CCDC85C: variants seen among roughly 807,000 people sequenced by gnomAD.
The protein encoded by CCDC85C is coiled-coil domain-containing protein 85C.
A neutral mutation model predicts 38.3 loss-of-function variants in CCDC85C; 18 were observed. The observed-to-expected ratio is 0.47, with a 90% confidence interval of 0.33 to 0.70. CCDC85C has a LOEUF of 0.70. Ranked by LOEUF, CCDC85C falls within the 30% of genes least tolerant of loss-of-function variation. CCDC85C has a pLI of 0.03. For missense variants in CCDC85C, 566 were observed against 621.2 expected (o/e 0.91, Z 0.94); for synonymous variants, 264 against 293.8 (o/e 0.90, Z 1.04).
Position 99,510,708 on chromosome 14 carries a change from C to T in CCDC85C, c.*4538G>A. On this transcript the variant is annotated 3_prime_UTR_variant, in exon 6 of 6. Transcript: ENST00000380243. ...TGCCGTCCCCCCTGGAGGACAGCCT[C>T]CTGTGCCCCCGCCCATTCCCCCACC... The T allele has an allele frequency of 7.0e-7, 1 of 1,422,810 alleles. No individual in the cohort carries two copies. The highest frequency in any genetic ancestry group is 9.2e-7 in the Non-Finnish European group (1 of 1,087,314). 88.1% of individuals were successfully genotyped at this position (1,422,810 alleles called of 1,614,324 possible). A position where few individuals can be genotyped will look rare whatever the true frequency, so the allele number is the denominator to read the frequency against.
chr14:99,596,945 G>A (rs1327735263), intron 1 of CCDC85C, among the ~76,000 whole-genome samples: 1 of 152,196 alleles, frequency 6.6e-6, no homozygotes, highest in Non-Finnish European at 1.5e-5. Context: ...TCCTGCCTGA[G>A]CCCCACCCAA....
intron 1 of CCDC85C, among the ~76,000 whole-genome samples, chr14:99,585,638 G>A (rs1332508577): frequency 2.6e-5 from 4 of 152,254 alleles, no homozygotes; most frequent in African/African-American, 9.6e-5. Context: ...ACAATGGGAT[G>A]ACTGGGACAC....
chr14:99,590,286 G>A (rs1490302210), intron 1 of CCDC85C, among the ~76,000 whole-genome samples: 2 of 152,156 alleles, frequency 1.3e-5, no homozygotes, highest in Non-Finnish European at 2.9e-5. Context: ...GCATCCCGAG[G>A]GCCTCCTGAC....
At position 99,522,214 on chromosome 14, in the gene CCDC85C, C is replaced by T. The variant is rs775711049; in HGVS notation, c.894G>A (p.Thr298=). Residue 298 remains threonine, a synonymous_variant, in exon 3 of 6, where the codon ACG becomes ACA. Coordinates refer to ENST00000380243, the MANE Select transcript of CCDC85C (RefSeq NM_001144995.2). ...GGTAGGGCGAGAAGCCTTTCCGCAG[C>T]GTGCGGAACTCTCCGGAGCCTGCCT... ...AQQAGSGEFR[T]LRKGFSPYHS... The T allele has an allele frequency of 2.3e-5, 35 of 1,549,972 alleles. No homozygotes were observed. Among genetic ancestry groups the T allele is most frequent in the South Asian group, 1.2e-4 (10 of 84,048 alleles).
rs779997350 is a variant in CCDC85C, at chr14:99,578,802, G to A, written c.793+24365C>T. 3.4e-4 allele frequency among the ~76,000 whole-genome samples: 51 copies of A among 152,154 alleles called. 1 individual carries two copies. The highest frequency in any genetic ancestry group is 1.8e-4 in the Non-Finnish European group (12 of 68,034). ...GCTGCCCCAGCCCCCTTCCAAGACCGGAGCTGGCTTCTCTAAGCGCTTCCC... is the reference window on the plus strand; with the variant it reads ...GCTGCCCCAGCCCCCTTCCAAGACCAGAGCTGGCTTCTCTAAGCGCTTCCC... On this transcript the variant is annotated intron_variant, in intron 1 of 5. Coordinates refer to ENST00000380243, the MANE Select transcript of CCDC85C (RefSeq NM_001144995.2).
rs1195070305 is a variant in CCDC85C, at chr14:99,535,328, G to A, written c.867+687C>T. ...GGAGGCTTGGGGGAGCGAGCGGCTT[G>A]AGAGGTCGCCAAGCCAGCTGGCCCC... On this transcript the variant is annotated intron_variant, in intron 2 of 5. Coordinates refer to ENST00000380243, the MANE Select transcript of CCDC85C (RefSeq NM_001144995.2). The surrounding 1 kb of genome is among the most constrained non-coding windows in gnomAD (Gnocchi z 5.5). 6.6e-6 allele frequency among the ~76,000 whole-genome samples: 1 copy of A among 152,194 alleles called. No homozygotes were observed. The highest frequency in any genetic ancestry group is 2.4e-5 in the African/African-American group (1 of 41,430).
intron 1 of CCDC85C, among the ~76,000 whole-genome samples, chr14:99,577,735 C>G (rs1898515349): frequency 1.4e-5 from 2 of 145,280 alleles, no homozygotes; most frequent in Non-Finnish European, 3.0e-5. Context: ...TCCTGCATCC[C>G]CCATCAGTGT....
In CCDC85C at chr14:99,554,369, T is replaced by TCC. The variant is rs547187267; in HGVS notation, c.794-18283_794-18282dup. On this transcript the variant is annotated intron_variant, in intron 1 of 5. Coordinates refer to ENST00000380243, the MANE Select transcript of CCDC85C (RefSeq NM_001144995.2). ...CTTGGTCACTGTGGCAGGCAAGGCC[T>TCC]CCGCCTGAGTGTGCCCGCCCGGCAC... is the stretch of plus-strand genomic sequence containing the variant. Among the ~76,000 whole-genome samples the TCC allele has an allele frequency of 1.6e-3, 246 of 152,280 alleles. 1 individual carries two copies. Among genetic ancestry groups the TCC allele is most frequent in the African/African-American group, 5.6e-3 (232 of 41,558 alleles).
In CCDC85C at chr14:99,514,065, G is replaced by A. The variant is rs1897181741; in HGVS notation, c.*1181C>T. ...CTCCACCCGCAGCGACTGCAAGGCA[G>A]CAGAACTCAGCTCCACCCGGCCCGC... is the stretch of plus-strand genomic sequence containing the variant. On this transcript the variant is annotated 3_prime_UTR_variant, in exon 6 of 6. Coordinates refer to ENST00000380243, the MANE Select transcript of CCDC85C (RefSeq NM_001144995.2). The A allele has an allele frequency of 6.6e-6, 1 of 152,402 alleles. No individual in the cohort carries two copies. The highest frequency in any genetic ancestry group is 2.4e-5 in the African/African-American group (1 of 41,478). The allele number at this position is 152,402 out of a possible 1,614,324, so 9.4% of individuals were successfully genotyped here.
In CCDC85C at chr14:99,500,946, G is replaced by A. The variant is rs989555276; in HGVS notation, c.*14300C>T. On this transcript the variant is annotated 3_prime_UTR_variant, in exon 6 of 6. Transcript: ENST00000380243. Reference sequence around the variant, plus strand: ...TATAATTTGATGACACTCAAATTACGCTTCTCAAAAGCGGAAAACAAAGTT... The same window carrying A: ...TATAATTTGATGACACTCAAATTACACTTCTCAAAAGCGGAAAACAAAGTT... The A allele has an allele frequency of 9.4e-5, 88 of 934,656 alleles. No individual in the cohort carries two copies. The East Asian group carries it at 1.6e-3, about 17-fold the overall frequency. The allele number at this position is 934,656 out of a possible 1,614,324, so 57.9% of individuals were successfully genotyped here.
In CCDC85C at chr14:99,533,200, G is replaced by A. The variant is rs989287080; in HGVS notation, c.867+2815C>T. On this transcript the variant is annotated intron_variant, in intron 2 of 5. Coordinates refer to ENST00000380243, the MANE Select transcript of CCDC85C (RefSeq NM_001144995.2). This position sits in a 1 kb window ranked among gnomAD's most constrained non-coding sequence, Gnocchi z 4.2. ...ATGGGGACAGGGCACCGGGGCCAAG[G>A]CCCCAGCAGCATACGGCTGCCTCCT... Among the ~76,000 whole-genome samples, 1 of 152,226 alleles carries A rather than the reference G, an allele frequency of 6.6e-6. No individual in the cohort carries two copies. The highest frequency in any genetic ancestry group is 2.4e-5 in the African/African-American group (1 of 41,460).
At chr14:99,570,116 G>T (rs1196885310) in intron 1 of CCDC85C, among the ~76,000 whole-genome samples, 1 of 151,750 alleles carries the variant, frequency 6.6e-6, no homozygotes, top group African/African-American at 2.4e-5. Context: ...GCCAGGCAGG[G>T]GCATCCACGC....
intron 1 of CCDC85C, among the ~76,000 whole-genome samples, chr14:99,556,198 C>T (rs1898007305): frequency 6.6e-6 from 1 of 152,256 alleles, no homozygotes; most frequent in African/African-American, 2.4e-5. Flanking sequence ...GCAAGGATCA[C>T]TTGAGCCCAG....
intron 2 of CCDC85C, among the ~76,000 whole-genome samples, chr14:99,524,553 T>C (rs1897348151): frequency 6.6e-6 from 1 of 152,142 alleles, no homozygotes; most frequent in Admixed American, 6.5e-5. Context: ...TGCATGTCCA[T>C]AGAACTTTAT....
chr14:99,578,999 G>A (rs200301646), intron 1 of CCDC85C, among the ~76,000 whole-genome samples: 15 of 152,172 alleles, frequency 9.9e-5, no homozygotes, highest in South Asian at 4.1e-4. Context: ...CCAACACTTC[G>A]GGCTGAGAAC....
chr14:99,586,513 G>A (rs140836811), intron 1 of CCDC85C, among the ~76,000 whole-genome samples: 151 of 152,356 alleles, frequency 9.9e-4, no homozygotes, highest in African/African-American at 3.5e-3. Flanking sequence ...ATGCTAGAGT[G>A]GGGGCATGGA....
chr14:99,501,673 A>T lies in CCDC85C; in HGVS notation c.*13573T>A. 2.3e-6 allele frequency: 1 copy of T among 439,132 alleles called. No individual in the cohort carries two copies. The highest frequency in any genetic ancestry group is 6.0e-4 in the Middle Eastern group (1 of 1,674). 27.2% of individuals were successfully genotyped at this position (439,132 alleles called of 1,614,324 possible). Reference sequence around the variant, plus strand: ...CTGAAACATAAGTCCAAAACAATACACTGGAGAATTTTGAAAACTAATTAC... The same window carrying T: ...CTGAAACATAAGTCCAAAACAATACTCTGGAGAATTTTGAAAACTAATTAC... On this transcript the variant is annotated 3_prime_UTR_variant, in exon 6 of 6. Transcript: ENST00000380243.
Position 99,507,105 on chromosome 14 carries a change from G to A in CCDC85C, c.*8141C>T. On this transcript the variant is annotated 3_prime_UTR_variant, in exon 6 of 6. Coordinates refer to ENST00000380243, the MANE Select transcript of CCDC85C (RefSeq NM_001144995.2). ...ACCACCACCTAAAATCCCCAAAATTGAGACCACTCATCCACCGTTGCCTCC... is the reference window on the plus strand; with the variant it reads ...ACCACCACCTAAAATCCCCAAAATTAAGACCACTCATCCACCGTTGCCTCC... 6.2e-7 allele frequency: 1 copy of A among 1,612,332 alleles called. No individual in the cohort carries two copies. Among genetic ancestry groups the A allele is most frequent in the South Asian group, 1.1e-5 (1 of 91,044 alleles).
chr14:99,507,545 G>A lies in CCDC85C; in HGVS notation c.*7701C>T, dbSNP rs143131056. On this transcript the variant is annotated 3_prime_UTR_variant, in exon 6 of 6. Transcript: ENST00000380243. The stretch of plus-strand genomic sequence containing the variant: ...TGCACCACCGTACTCCAGCCTGGGT[G>A]AGAGGGAGACCGTGTCTCAAAGTTC... 8.9e-5 allele frequency: 16 copies of A among 180,598 alleles called. No homozygotes were observed. Among genetic ancestry groups the A allele is most frequent in the Non-Finnish European group, 1.8e-4 (15 of 84,960 alleles). 11.2% of individuals were successfully genotyped at this position (180,598 alleles called of 1,614,324 possible). A position where few individuals can be genotyped will look rare whatever the true frequency, so the allele number is the denominator to read the frequency against.
Sources: gnomAD v4.1 joint callset for allele counts (sites outside exome capture counted in the v4.1 genomes callset) on GRCh38, gnomAD v4.1.1 for gene constraint, Gnocchi (gnomAD v3.1) non-coding constraint, MANE v1.5 for transcripts, NCBI Gene and HGNC (gene_info 2026-07-23, HGNC 2026-07-21) for gene names.